Variants in FRMD4A observed in about 807,000 individuals in gnomAD.
The protein encoded by FRMD4A is FERM domain-containing protein 4A.
Under a neutral mutation model 129.1 loss-of-function variants are expected in FRMD4A, and 29 were observed. That is an observed-to-expected ratio of 0.22 (90% CI 0.17 to 0.31). The LOEUF is 0.31. Among genes scored for constraint, FRMD4A ranks in the 10% least tolerant of loss-of-function variants. The pLI is 1.00. For synonymous variants in FRMD4A, 634 were observed against 571.6 expected (o/e 1.11, Z -1.56); for missense variants, 1,272 against 1,375.8 (o/e 0.92, Z 1.19).
intron 2 of FRMD4A, among the ~76,000 whole-genome samples, chr10:13,913,844 T>C (rs2131235608): frequency 6.6e-6 from 1 of 151,940 alleles, no homozygotes; most frequent in South Asian, 2.1e-4. Context: ...GGTGGGGGAG[T>C]TTGACAATGA....
intron 2 of FRMD4A, among the ~76,000 whole-genome samples, chr10:14,046,715 G>A (rs11258826): frequency 0.019 from 2,849 of 152,244 alleles, 36 homozygotes; most frequent in East Asian, 0.044. Flanking sequence ...TGGTGCTCAC[G>A]GCTGTAATGC....
chr10:14,233,672 G>C (rs542290633), intron 2 of FRMD4A, among the ~76,000 whole-genome samples: 31 of 152,304 alleles, frequency 2.0e-4, no homozygotes, highest in African/African-American at 7.5e-4. Flanking sequence ...GAACAGACTG[G>C]AAAATAATAA....
At chr10:14,301,055 C>T (rs969828757) in intron 2 of FRMD4A, among the ~76,000 whole-genome samples, 8 of 152,132 alleles carry the variant, frequency 5.3e-5, no homozygotes, top group Non-Finnish European at 1.2e-4. Flanking sequence ...ACATCCTGCT[C>T]AGTGTGACCA....
intron 2 of FRMD4A, among the ~76,000 whole-genome samples, chr10:14,280,473 G>A (rs1389581885): frequency 1.3e-5 from 2 of 151,858 alleles, no homozygotes; most frequent in Non-Finnish European, 2.9e-5. Context: ...ACCTACCAGG[G>A]GCAAATCACC....
intron 12 of FRMD4A, among the ~76,000 whole-genome samples, chr10:13,718,672 G>T (rs948224357): frequency 5.9e-5 from 9 of 152,354 alleles, no homozygotes; most frequent in African/African-American, 1.9e-4. Context: ...ACTGAATTGT[G>T]GGGAAGAGGA....
intron 15 of FRMD4A, among the ~76,000 whole-genome samples, chr10:13,675,271 A>T (rs1263853469): frequency 6.6e-6 from 1 of 152,248 alleles, no homozygotes; most frequent in African/African-American, 2.4e-5. Context: ...ACCCTCCTGA[A>T]AAAGAAGTTT....
intron 12 of FRMD4A, 179 bp from the exon 13 acceptor site, chr10:13,707,292 C>T: frequency 1.1e-6 from 1 of 899,464 alleles, no homozygotes; most frequent in Non-Finnish European, 1.5e-6. Context: ...ACACGCAGCT[C>T]TCCAGTTCAA....
At chr10:14,246,389 ACACACAC>A (rs1844238427) in intron 2 of FRMD4A, among the ~76,000 whole-genome samples, 1 of 11,454 alleles carries the variant, frequency 8.7e-5, no homozygotes. Context: ...ACATACACAC[ACACACAC>A]ACACACACAC....
chr10:14,122,914 C>T (rs1838612193), intron 2 of FRMD4A, among the ~76,000 whole-genome samples: 5 of 152,232 alleles, frequency 3.3e-5, no homozygotes, highest in Admixed American at 3.3e-4. Context: ...GTGTTGGGAA[C>T]ATTCAGTATC....
chr10:13,810,784 C>A (rs566192630), intron 4 of FRMD4A, 30 bp downstream of exon 4: 2 of 1,192,782 alleles, frequency 1.7e-6, no homozygotes, highest in East Asian at 2.4e-5. Context: ...ACTCTCCCTT[C>A]GGGCTGTGAG....
At chr10:13,682,837 C>T (rs1225479344) in intron 15 of FRMD4A, among the ~76,000 whole-genome samples, 2 of 152,034 alleles carry the variant, frequency 1.3e-5, no homozygotes, top group African/African-American at 4.8e-5. Flanking sequence ...GTCACAGAGT[C>T]ATAAGGAGGC....
chr10:13,813,196 A>G (rs1404200520), intron 3 of FRMD4A, among the ~76,000 whole-genome samples: 1 of 152,228 alleles, frequency 6.6e-6, no homozygotes, highest in Non-Finnish European at 1.5e-5. Context: ...TGTAATCCCA[A>G]CACTTTGGGA....
intron 9 of FRMD4A, among the ~76,000 whole-genome samples, chr10:13,741,945 C>T (rs1212384512): frequency 2.6e-5 from 4 of 152,230 alleles, no homozygotes; most frequent in Non-Finnish European, 5.9e-5. Context: ...CAACCTCTGC[C>T]TCCCAGTTTA....
At chr10:13,782,194 T>C (rs10906481) in intron 6 of FRMD4A, among the ~76,000 whole-genome samples, 44,753 of 152,110 alleles carry the variant, frequency 0.29, 7,419 homozygotes, top group East Asian at 0.53. Context: ...CTTTGAAAGA[T>C]GCTGCTAGAC....
intron 8 of FRMD4A, among the ~76,000 whole-genome samples, chr10:13,750,069 GAAGAAAGAAAGA>G (rs1185474605): frequency 7.0e-4 from 39 of 55,656 alleles, no homozygotes; most frequent in African/African-American, 2.3e-3. Flanking sequence ...AGGAAGGAAG[GAAGAAAGAAAGA>G]AAGAAAGAAA....
At chr10:13,768,080 ATGTGTGTG>A (rs36052011) in intron 6 of FRMD4A, among the ~76,000 whole-genome samples, 1 of 149,988 alleles carries the variant, frequency 6.7e-6, no homozygotes, top group Non-Finnish European at 1.5e-5. Context: ...GTCTGCAGGT[ATGTGTGTG>A]TGTGTGTGTG....
chr10:14,103,662 T>C (rs1010240929), intron 2 of FRMD4A, among the ~76,000 whole-genome samples: 1 of 152,308 alleles, frequency 6.6e-6, no homozygotes, highest in South Asian at 2.1e-4. Flanking sequence ...TTAGTGTATT[T>C]ATTTCAAATA....
intron 2 of FRMD4A, among the ~76,000 whole-genome samples, chr10:14,129,120 G>C (rs1791039330): frequency 6.6e-6 from 1 of 151,614 alleles, no homozygotes; most frequent in Non-Finnish European, 1.5e-5. Flanking sequence ...CCCATGACTT[G>C]CCTGATGAGA....
intron 2 of FRMD4A, among the ~76,000 whole-genome samples, chr10:14,185,621 TATACTTCATGGTCAGAGAGCTGCA>T (rs1564371641): frequency 6.6e-6 from 1 of 152,172 alleles, no homozygotes; most frequent in African/African-American, 2.4e-5. Context: ...AAAGGGGATA[TATACTTCATGGTCAGAGAGCTGCA>T]GGGGCGGTTG....
Sources: gnomAD v4.1 joint callset for allele counts (sites outside exome capture counted in the v4.1 genomes callset) on GRCh38, gnomAD v4.1.1 for gene constraint, MANE v1.5 for transcripts, NCBI Gene and HGNC (gene_info 2026-07-23, HGNC 2026-07-21) for gene names.